KLHL20: variants seen among roughly 807,000 people sequenced by gnomAD.
KLHL20 encodes the protein kelch like family member 20.
In KLHL20, 29 loss-of-function variants were observed where a neutral mutation model predicts 69.5. The observed-to-expected ratio is 0.42, with a 90% confidence interval of 0.31 to 0.57. The LOEUF (loss-of-function observed/expected upper bound fraction) is 0.57. Ranked by LOEUF, KLHL20 falls within the 20% of genes least tolerant of loss-of-function variation. KLHL20 has a pLI of 0.18. For missense variants in KLHL20, 419 were observed against 776.0 expected (o/e 0.54, Z 5.47); for synonymous variants, 253 against 265.2 (o/e 0.95, Z 0.45).
chr1:173,719,969 A>T (rs1267874224), intron 2 of KLHL20, among the ~76,000 whole-genome samples: 2 of 152,002 alleles, frequency 1.3e-5, no homozygotes, highest in African/African-American at 4.8e-5. Flanking sequence ...ATGATACAGT[A>T]TTGGCGTGGT....
At position 173,775,615 on chromosome 1, in the gene KLHL20, G is replaced by A. The variant is rs1326058981; in HGVS notation, c.1430-19G>A. 1 of 1,607,384 alleles carries A rather than the reference G, an allele frequency of 6.2e-7. No individual in the cohort carries two copies. The highest frequency in any genetic ancestry group is 1.3e-5 in the African/African-American group (1 of 74,754). ...GAAATGGTTGAATGCTCACTTACTG[G>A]TTTTTCTTTTCCCTACAGTGGAACG... On this transcript the variant is annotated intron_variant, in intron 9 of 11. Transcript: ENST00000209884.
At chr1:173,760,968 A>G (rs1165679062) in intron 7 of KLHL20, among the ~76,000 whole-genome samples, 1 of 152,216 alleles carries the variant, frequency 6.6e-6, no homozygotes, top group East Asian at 1.9e-4. Flanking sequence ...ATAAGAACTC[A>G]CCAACCATCT....
intron 11 of KLHL20, among the ~76,000 whole-genome samples, chr1:173,783,938 C>T (rs904465495): frequency 4.6e-5 from 7 of 150,842 alleles, no homozygotes; most frequent in Non-Finnish European, 8.9e-5. Flanking sequence ...AACAAAAATT[C>T]CTGCCAAGCG....
At chr1:173,750,662 C>T (rs1036016272) in intron 3 of KLHL20, among the ~76,000 whole-genome samples, 2 of 152,056 alleles carry the variant, frequency 1.3e-5, no homozygotes, top group Non-Finnish European at 2.9e-5. Flanking sequence ...GATCTGCCTG[C>T]CTCAGCCTCC....
chr1:173,760,938 G>A (rs1270513377), intron 7 of KLHL20, among the ~76,000 whole-genome samples: 1 of 152,156 alleles, frequency 6.6e-6, no homozygotes, highest in African/African-American at 2.4e-5. Flanking sequence ...CCACTTAAAA[G>A]GTACAGAACC....
chr1:173,719,967 G>A (rs76233471), intron 2 of KLHL20, among the ~76,000 whole-genome samples: 3,073 of 152,148 alleles, frequency 0.02, 103 homozygotes, highest in African/African-American at 0.071. Flanking sequence ...TAATGATACA[G>A]TATTGGCGTG....
intron 2 of KLHL20, among the ~76,000 whole-genome samples, chr1:173,728,757 A>G (rs1031543700): frequency 2.0e-5 from 3 of 152,216 alleles, no homozygotes; most frequent in African/African-American, 7.2e-5. Flanking sequence ...GTAGAGGGAA[A>G]TTTATAGCAC....
intron 10 of KLHL20, among the ~76,000 whole-genome samples, chr1:173,778,397 C>T (rs1648624389): frequency 6.6e-6 from 1 of 152,076 alleles, no homozygotes; most frequent in African/African-American, 2.4e-5. Context: ...GATACAATGT[C>T]GGCTCATTGC....
chr1:173,731,019 T>C (rs1672248085), intron 2 of KLHL20, among the ~76,000 whole-genome samples: 1 of 151,830 alleles, frequency 6.6e-6, no homozygotes, highest in African/African-American at 2.4e-5. Context: ...CGAACAAATT[T>C]ACAAGAAAAA....
At position 173,721,662 on chromosome 1, in the gene KLHL20, G is replaced by T. The variant is rs1013848499; in HGVS notation, c.23+5596G>T. 4.6e-5 allele frequency among the ~76,000 whole-genome samples: 7 copies of T among 152,352 alleles called. No homozygotes were observed. In the East Asian group the frequency reaches 1.3e-3, roughly 29 times the overall value. On this transcript the variant is annotated intron_variant, in intron 2 of 11. Coordinates refer to ENST00000209884, the MANE Select transcript of KLHL20 (RefSeq NM_014458.4). ...TTATGCTCATTTTATCCAATAAGCC[G>T]TGATGAGATGTCTTGGGACTAAAAC...
intron 7 of KLHL20, among the ~76,000 whole-genome samples, chr1:173,764,610 C>T (rs923929043): frequency 4.6e-5 from 7 of 152,000 alleles, no homozygotes; most frequent in East Asian, 1.9e-4. Flanking sequence ...TTATTCTAAG[C>T]GATGTAACTC....
chr1:173,784,003 C>T (rs1649047564), intron 11 of KLHL20, among the ~76,000 whole-genome samples: 1 of 151,904 alleles, frequency 6.6e-6, no homozygotes, highest in Admixed American at 6.6e-5. Flanking sequence ...CTCTTGAACC[C>T]AGAAGGTGGA....
intron 2 of KLHL20, among the ~76,000 whole-genome samples, chr1:173,724,293 C>CTT (rs1671853675): frequency 1.3e-5 from 2 of 151,908 alleles, no homozygotes; most frequent in Non-Finnish European, 2.9e-5. Flanking sequence ...GCATGAGCCA[C>CTT]TAGGCTCAGC....
At chr1:173,737,700 T>A (rs758276952) in intron 3 of KLHL20, among the ~76,000 whole-genome samples, 39 of 152,294 alleles carry the variant, frequency 2.6e-4, no homozygotes, top group South Asian at 8.3e-4. Flanking sequence ...TGTGGGCTCA[T>A]TTTTGGTTCC....
chr1:173,765,006 C>A (rs957994410), intron 7 of KLHL20, among the ~76,000 whole-genome samples: 32 of 152,026 alleles, frequency 2.1e-4, no homozygotes, highest in African/African-American at 7.0e-4. Flanking sequence ...AGGTGGTACC[C>A]AGGGGCAAAT....
chr1:173,731,348 C>T (rs574333384), intron 2 of KLHL20, among the ~76,000 whole-genome samples: 23 of 152,204 alleles, frequency 1.5e-4, no homozygotes, highest in African/African-American at 5.1e-4. Context: ...ACCATTTGAC[C>T]CAGCCATCCC....
At chr1:173,753,848 G>C (rs537300024) in intron 5 of KLHL20, among the ~76,000 whole-genome samples, 1 of 152,054 alleles carries the variant, frequency 6.6e-6, no homozygotes, top group South Asian at 2.1e-4. Flanking sequence ...TTTTCAAAGG[G>C]GGGGAAAAAA....
rs1277072833 is a variant in KLHL20 at position 173,734,099 on chromosome 1, A to G, written c.410A>G (p.Asn137Ser). 6.2e-6 allele frequency: 10 copies of G among 1,614,098 alleles called. No homozygotes were observed. The highest frequency in any genetic ancestry group is 8.5e-6 in the Non-Finnish European group (10 of 1,180,038). The change falls in exon 3 of 12, where the codon AAT becomes AGT. Residue 137 changes from asparagine to serine, a missense_variant. Transcript: ENST00000209884. ...YTSQITVEEGNVQTLLPAACL... is the reference protein window; with the variant it reads ...YTSQITVEEGSVQTLLPAACL... ...TCCCAGATAACAGTAGAAGAGGGCAATGTTCAGACTCTTCTGCCAGCTGCT... is the reference window on the plus strand; with the variant it reads ...TCCCAGATAACAGTAGAAGAGGGCAGTGTTCAGACTCTTCTGCCAGCTGCT...
chr1:173,771,438 G>A (rs1045739828), intron 8 of KLHL20, among the ~76,000 whole-genome samples: 6 of 152,058 alleles, frequency 3.9e-5, no homozygotes, highest in Non-Finnish European at 7.4e-5. Flanking sequence ...ACAGTTAACT[G>A]TAGAACTATG....
Sources: gnomAD v4.1 joint callset for allele counts (sites outside exome capture counted in the v4.1 genomes callset) on GRCh38, gnomAD v4.1.1 for gene constraint, MANE v1.5 for transcripts, NCBI Gene and HGNC (gene_info 2026-07-23, HGNC 2026-07-21) for gene names.